Variants in ACP6 observed in about 807,000 individuals in gnomAD.
ACP6 encodes acid phosphatase 6, lysophosphatidic, also known as lysophosphatidic acid phosphatase type 6.
In ACP6, 48 loss-of-function variants were observed where a neutral mutation model predicts 48.1. That is an observed-to-expected ratio of 1.00 (90% CI 0.79 to 1.27). ACP6 has a LOEUF of 1.27. Among genes scored for constraint, ACP6 ranks in the 50% most tolerant of loss-of-function variants. The pLI is 0.00. For synonymous variants in ACP6, 172 were observed against 204.2 expected (o/e 0.84, Z 1.34); for missense variants, 485 against 529.1 (o/e 0.92, Z 0.82).
At chr1:147,666,554 T>C (rs189558690) in intron 1 of ACP6, among the ~76,000 whole-genome samples, 3 of 152,352 alleles carry the variant, frequency 2.0e-5, no homozygotes, top group Admixed American at 1.3e-4. Flanking sequence ...TAAAAGTTAC[T>C]GATGCCTGAG....
At chr1:147,652,752 G>GAAAAA in intron 6 of ACP6, 1 of 372,010 alleles carries the variant, frequency 2.7e-6, no homozygotes. Context: ...CTGAAGGCCA[G>GAAAAA]GAAAAAAAAA....
intron 5 of ACP6, among the ~76,000 whole-genome samples, chr1:147,636,504 C>T (rs1003491380): frequency 1.2e-4 from 19 of 152,166 alleles, no homozygotes; most frequent in African/African-American, 4.6e-4. Flanking sequence ...GACAAAGGGA[C>T]ACATCCCGGA....
exon 6 of ACP6, chr1:147,629,844 T>C (rs587675637): frequency 6.6e-6 from 1 of 152,326 alleles, no homozygotes; most frequent in African/African-American, 2.4e-5. Flanking sequence ...GGGTTACTGT[T>C]AAACAGACAC....
chr1:147,648,560 T>A, intron 8 of ACP6, 149 bp from the exon 9 acceptor site: 1 of 895,218 alleles, frequency 1.1e-6, no homozygotes, highest in Non-Finnish European at 1.7e-6. Context: ...TCCTTTGCAG[T>A]AGATCGTGGG....
Position 147,645,466 on chromosome 1 carries a change from C to T in ACP6, c.*1957G>A, listed in dbSNP as rs1020847868. Reference sequence around the variant, plus strand: ...GGAAAAAAGGTCCAAGGAGTAAGCCCTGGGACACCCCAACACTTACGGATT... The same window carrying T: ...GGAAAAAAGGTCCAAGGAGTAAGCCTTGGGACACCCCAACACTTACGGATT... On this transcript the variant is annotated 3_prime_UTR_variant, in exon 10 of 10. Transcript: ENST00000583509. 2 of 152,126 alleles carry T rather than the reference C, an allele frequency of 1.3e-5. No homozygotes were observed. Among genetic ancestry groups the T allele is most frequent in the Non-Finnish European group, 2.9e-5 (2 of 68,016 alleles). 9.4% of individuals were successfully genotyped at this position (152,126 alleles called of 1,614,324 possible).
chr1:147,652,627 C>G, intron 6 of ACP6, 78 bp from the exon 7 acceptor site: 2 of 1,609,048 alleles, frequency 1.2e-6, no homozygotes, highest in Non-Finnish European at 1.7e-6. Flanking sequence ...TTCCATGGAA[C>G]CTGCAGGAGC....
At position 147,653,200 on chromosome 1, in the gene ACP6, G is replaced by A. The variant is rs59244475; in HGVS notation, c.781-651C>T. 3.0e-3 allele frequency among the ~76,000 whole-genome samples: 450 copies of A among 151,060 alleles called. 1 individual carries two copies. Among genetic ancestry groups the A allele is most frequent in the African/African-American group, 0.011 (434 of 41,138 alleles). On this transcript the variant is annotated intron_variant, in intron 6 of 9. Transcript: ENST00000583509. ...GGTTGGAATGCAGTGGCGTGATCTC[G>A]GCTCACTGCAACCCCTGCCTCCCAG...
chr1:147,637,474 C>A (rs1430690105), downstream of ACP6, among the ~76,000 whole-genome samples: 1 of 152,162 alleles, frequency 6.6e-6, no homozygotes, highest in Non-Finnish European at 1.5e-5. Flanking sequence ...TCTCTTTGAT[C>A]CCTTCCTCTT....
intron 1 of ACP6, among the ~76,000 whole-genome samples, chr1:147,661,536 CACA>C (rs1553212751): frequency 2.0e-5 from 3 of 152,096 alleles, no homozygotes; most frequent in African/African-American, 7.2e-5. Context: ...TTTCCTGAGA[CACA>C]ACAATATTAA....
chr1:147,662,408 T>C (rs1553212950), intron 1 of ACP6, among the ~76,000 whole-genome samples: 2 of 152,318 alleles, frequency 1.3e-5, no homozygotes, highest in Admixed American at 6.5e-5. Flanking sequence ...GAATTCACCA[T>C]TCTAGATGTC....
intron 5 of ACP6, among the ~76,000 whole-genome samples, chr1:147,634,552 CT>C (rs1659251553): frequency 6.6e-6 from 1 of 152,092 alleles, no homozygotes; most frequent in Admixed American, 6.5e-5. Flanking sequence ...AGCTTTTCCC[CT>C]GTGTTGTCTT....
chr1:147,659,612 A>T, intron 2 of ACP6, 35 bp downstream of exon 2: 2 of 1,613,818 alleles, frequency 1.2e-6, no homozygotes, highest in Non-Finnish European at 1.7e-6. Flanking sequence ...CAACCTTTGC[A>T]GTGGGGCTCC....
chr1:147,633,191 G>A (rs587748970), intron 5 of ACP6, among the ~76,000 whole-genome samples: 2 of 152,312 alleles, frequency 1.3e-5, no homozygotes, highest in East Asian at 1.9e-4. Context: ...AATTCTGACT[G>A]TAGGAGTAAA....
chr1:147,650,422 T>C lies in ACP6; in HGVS notation c.882-184A>G, dbSNP rs146000637. On this transcript the variant is annotated intron_variant, in intron 7 of 9. Coordinates refer to ENST00000583509, the MANE Select transcript of ACP6 (RefSeq NM_016361.5). ...CCGAGTCCGGTCTTGGGGTCCTCTG[T>C]GAATGAAGACTCCCAACAACACAGG... 1.8e-3 allele frequency: 924 copies of C among 518,718 alleles called. 8 individuals carry two copies. Among genetic ancestry groups the C allele is most frequent in the African/African-American group, 0.017 (833 of 49,764 alleles). 32.1% of individuals were successfully genotyped at this position (518,718 alleles called of 1,614,324 possible).
chr1:147,667,158 C>T (rs1413106168), intron 1 of ACP6, among the ~76,000 whole-genome samples: 5 of 151,944 alleles, frequency 3.3e-5, no homozygotes, highest in Non-Finnish European at 7.4e-5. Context: ...AATCTTTTAG[C>T]AAAACAGGTT....
At chr1:147,652,803 C>A (rs1660010032) in intron 6 of ACP6, among the ~76,000 whole-genome samples, 1 of 139,866 alleles carries the variant, frequency 7.1e-6, no homozygotes, top group Non-Finnish European at 1.5e-5. Flanking sequence ...TCCCCATCCA[C>A]TCAAAAATGA....
intron 1 of ACP6, among the ~76,000 whole-genome samples, chr1:147,664,414 C>T (rs923558611): frequency 1.3e-5 from 2 of 152,184 alleles, no homozygotes; most frequent in East Asian, 3.8e-4. Context: ...AATTTTCTCT[C>T]CTCATTCATT....
chr1:147,635,275 A>G lies in ACP6; in HGVS notation c.461-4210T>C, dbSNP rs587642671. The stretch of plus-strand genomic sequence containing the variant: ...AATAGGAAGATCCGAACTCATTGAC[A>G]TCAACCAGGTGCTGTCCTCACTGCT... On this transcript the variant is annotated intron_variant, in intron 5 of 5. Coordinates refer to the ACP6 transcript ENST00000609196. 2.0e-5 allele frequency among the ~76,000 whole-genome samples: 3 copies of G among 152,348 alleles called. No homozygotes were observed. In the South Asian group the frequency reaches 6.2e-4, roughly 32 times the overall value.
chr1:147,660,873 T>A (rs1259577303), intron 1 of ACP6, among the ~76,000 whole-genome samples: 1 of 152,240 alleles, frequency 6.6e-6, no homozygotes, highest in Admixed American at 6.5e-5. Flanking sequence ...ATCCATCAGC[T>A]CACATACTTT....
Sources: allele counts gnomAD v4.1 joint callset (sites outside exome capture counted in the v4.1 genomes callset), GRCh38; gene constraint gnomAD v4.1.1; transcripts MANE v1.5; gene names NCBI Gene and HGNC (gene_info 2026-07-23, HGNC 2026-07-21).